The following FRMD6 variants were observed in gnomAD, a reference collection of about 807,000 sequenced individuals.
FRMD6 encodes FERM domain-containing protein 6.
In FRMD6, 37 loss-of-function variants were observed where a neutral mutation model predicts 73.2. The ratio of observed to expected loss-of-function variants is 0.51; its 90% CI spans 0.39 to 0.66. The LOEUF (loss-of-function observed/expected upper bound fraction) is 0.66, where lower values mean the gene tolerates loss of function less well. Among genes scored for constraint, FRMD6 ranks in the 30% least tolerant of loss-of-function variants. The probability of loss-of-function intolerance (pLI) is 0.00; values close to 1 mark genes in which losing one functional copy is unlikely to be tolerated. For synonymous variants in FRMD6, 273 were observed against 282.2 expected, an observed-to-expected ratio of 0.97 and a Z score of 0.33; for missense variants, 714 against 780.5, an observed-to-expected ratio of 0.91 and a Z score of 1.02.
chr14:51,570,104 T>C (rs12589601), intron 1 of FRMD6, among the ~76,000 whole-genome samples: 75 of 152,230 alleles, frequency 4.9e-4, no homozygotes, highest in East Asian at 3.7e-3. Context: ...CGTGAGCCAC[T>C]GCGCCCGGCC....
At chr14:51,572,151 T>C (rs1056258424) in intron 2 of FRMD6, among the ~76,000 whole-genome samples, 1 of 152,258 alleles carries the variant, frequency 6.6e-6, no homozygotes, top group Non-Finnish European at 1.5e-5. Context: ...AGCCTATCCA[T>C]AGTGCTAGGA....
At chr14:51,615,104 G>C (rs139124681) in intron 2 of FRMD6, among the ~76,000 whole-genome samples, 26 of 152,248 alleles carry the variant, frequency 1.7e-4, no homozygotes, top group African/African-American at 6.0e-4. Context: ...GAAAATAAAA[G>C]GAAACAAAAA....
chr14:51,601,978 T>C (rs1297867860), intron 2 of FRMD6, among the ~76,000 whole-genome samples: 1 of 152,222 alleles, frequency 6.6e-6, no homozygotes, highest in Non-Finnish European at 1.5e-5. Flanking sequence ...TGGCAAGCCT[T>C]ATAATACCAA....
At chr14:51,605,139 CT>C (rs11389733) in intron 2 of FRMD6, among the ~76,000 whole-genome samples, 24,719 of 119,424 alleles carry the variant, frequency 0.21, 2,093 homozygotes, top group African/African-American at 0.27. Flanking sequence ...CTGCAGGTTT[CT>C]TTTTTTTTTT....
chr14:51,598,926 G>A (rs1329611592), intron 2 of FRMD6, among the ~76,000 whole-genome samples: 7 of 152,106 alleles, frequency 4.6e-5, no homozygotes, highest in Admixed American at 4.6e-4. Context: ...TGGTATTACA[G>A]GGTCAAATGT....
chr14:51,407,316 G>A, the FRMD6 span, among the ~76,000 whole-genome samples: 3 of 151,814 alleles, frequency 2.0e-5, no homozygotes, highest in South Asian at 6.2e-4. Context: ...GGAATATCAA[G>A]GTAATGCTAA....
In FRMD6 at chr14:51,712,510, T is replaced by C; in HGVS notation, c.808T>C (p.Tyr270His). The C allele has an allele frequency of 6.2e-7, 1 of 1,602,012 alleles. No homozygotes were observed. Among genetic ancestry groups the C allele is most frequent in the Non-Finnish European group, 8.5e-7 (1 of 1,169,656 alleles). ...QNLDEEKQLL[Y>H]DFPWTNVGKL... is the part of the protein sequence containing the mutation. ...TTTAGATGAAGAGAAACAATTACTT[T>C]ATGATTTCCCCTGGACAAATGTTGG... is the stretch of plus-strand genomic sequence containing the variant. Residue 270 changes from tyrosine (Y) to histidine (H), a missense_variant, in exon 9 of 14, where the codon TAT becomes CAT. Coordinates refer to ENST00000344768, the MANE Select transcript of FRMD6 (RefSeq NM_001267046.2).
At chr14:51,637,738 T>C (rs1417020126) in intron 2 of FRMD6, 1 of 152,128 alleles carries the variant, frequency 6.6e-6, no homozygotes, top group Non-Finnish European at 1.5e-5. Context: ...CATTATAAAG[T>C]AGGAATTACA....
At chr14:51,531,845 G>A (rs141874829) in intron 1 of FRMD6, among the ~76,000 whole-genome samples, 317 of 152,318 alleles carry the variant, frequency 2.1e-3, no homozygotes, top group South Asian at 6.8e-3. Context: ...GCAGCCATAA[G>A]TTGGCTATGG....
intron 2 of FRMD6, among the ~76,000 whole-genome samples, chr14:51,628,334 C>T (rs915816573): frequency 2.0e-5 from 3 of 151,940 alleles, no homozygotes. Context: ...AAAATTTATC[C>T]ATCTTACATG....
intron 9 of FRMD6, among the ~76,000 whole-genome samples, chr14:51,712,831 G>A (rs1055699548): frequency 1.3e-5 from 2 of 152,160 alleles, no homozygotes; most frequent in African/African-American, 2.4e-5. Context: ...TGTTTGGTCC[G>A]TAGCACATGA....
the FRMD6 span, among the ~76,000 whole-genome samples, chr14:51,467,146 G>A: frequency 6.6e-6 from 1 of 152,128 alleles, no homozygotes; most frequent in Admixed American, 6.5e-5. Flanking sequence ...CTGGGTACTT[G>A]AGATTAGGGA....
At chr14:51,472,632 A>G in the FRMD6 span, among the ~76,000 whole-genome samples, 1 of 152,142 alleles carries the variant, frequency 6.6e-6, no homozygotes, top group African/African-American at 2.4e-5. Flanking sequence ...ACTGTGAGAG[A>G]AAGACTTATT....
Position 51,698,373 on chromosome 14 carries a change from T to A in FRMD6, c.190+141T>A, listed in dbSNP as rs1896082282. The stretch of plus-strand genomic sequence containing the variant: ...CATGGACTGATTTTCATTTTTAGTG[T>A]AGGTGTAGTATTTAATTTTTTAATC... On this transcript the variant is annotated intron_variant, in intron 3 of 13. Coordinates refer to ENST00000344768, the MANE Select transcript of FRMD6 (RefSeq NM_001267046.2). 1.1e-5 allele frequency: 5 copies of A among 460,856 alleles called. No homozygotes were observed. In the East Asian group the frequency reaches 1.6e-4, roughly 15 times the overall value. 28.5% of individuals were successfully genotyped at this position (460,856 alleles called of 1,614,324 possible).
intron 1 of FRMD6, among the ~76,000 whole-genome samples, chr14:51,562,499 G>A (rs1951515061): frequency 6.6e-6 from 1 of 152,224 alleles, no homozygotes; most frequent in Non-Finnish European, 1.5e-5. Context: ...ATGAGTACGA[G>A]TGGGAAGTCA....
intron 1 of FRMD6, among the ~76,000 whole-genome samples, chr14:51,550,635 C>T (rs1401771058): frequency 4.0e-5 from 6 of 149,810 alleles, no homozygotes; most frequent in Admixed American, 1.3e-4. Context: ...TTTCATGGTG[C>T]AGAGGCAGAG....
chr14:51,530,627 T>A (rs1382898727), intron 1 of FRMD6, among the ~76,000 whole-genome samples: 1 of 145,598 alleles, frequency 6.9e-6, no homozygotes, highest in Non-Finnish European at 1.5e-5. Context: ...ACCACAGGCA[T>A]GCACCACCAC....
At chr14:51,552,556 C>T (rs187915259) in intron 1 of FRMD6, among the ~76,000 whole-genome samples, 2 of 152,286 alleles carry the variant, frequency 1.3e-5, no homozygotes, top group Admixed American at 6.5e-5. Context: ...GGAGAGTCAG[C>T]GTTCACCCAG....
intron 2 of FRMD6, among the ~76,000 whole-genome samples, chr14:51,609,192 C>T (rs1243549603): frequency 2.0e-5 from 3 of 152,056 alleles, no homozygotes; most frequent in Non-Finnish European, 2.9e-5. Flanking sequence ...TTATGAATAT[C>T]CCAGTCTCTC....
Sources: gnomAD v4.1 joint callset for allele counts (sites outside exome capture counted in the v4.1 genomes callset) on GRCh38, gnomAD v4.1.1 for gene constraint, MANE v1.5 for transcripts, NCBI Gene and HGNC (gene_info 2026-07-23, HGNC 2026-07-21) for gene names.